The following CTNNA2 variants were observed in gnomAD, a reference collection of about 807,000 sequenced individuals.
CTNNA2 encodes the protein catenin alpha 2, also known as catenin alpha-2.
A neutral mutation model predicts 101.0 loss-of-function variants in CTNNA2; 42 were observed. The ratio of observed to expected loss-of-function variants is 0.42; its 90% CI spans 0.32 to 0.54. CTNNA2 has a LOEUF of 0.54. CTNNA2 is among the 20% of genes least tolerant of loss of function. CTNNA2 has a pLI of 0.14. For missense variants in CTNNA2, 871 were observed against 1,223.1 expected (o/e 0.71, Z 4.29); for synonymous variants, 450 against 456.4 (o/e 0.99, Z 0.18).
intron 3 of CTNNA2, among the ~76,000 whole-genome samples, chr2:79,780,674 A>G (rs1394097419): frequency 6.6e-6 from 1 of 152,188 alleles, no homozygotes; most frequent in Non-Finnish European, 1.5e-5. Context: ...GGCATTAGCT[A>G]AGCAAGCAAT....
chr2:80,280,835 T>A (rs1674325617), intron 7 of CTNNA2, among the ~76,000 whole-genome samples: 1 of 152,064 alleles, frequency 6.6e-6, no homozygotes, highest in Non-Finnish European at 1.5e-5. Context: ...TGCCTGTTAT[T>A]GTATAAGAAA....
At chr2:79,245,010 G>A (rs943003544) in intron 2 of CTNNA2, among the ~76,000 whole-genome samples, 2 of 151,674 alleles carry the variant, frequency 1.3e-5, no homozygotes, top group Non-Finnish European at 2.9e-5. Context: ...CAGGAGAATC[G>A]CTTGAACTCG....
chr2:79,234,863 A>T (rs1483724316), intron 2 of CTNNA2, among the ~76,000 whole-genome samples: 1 of 151,948 alleles, frequency 6.6e-6, no homozygotes, highest in African/African-American at 2.4e-5. Flanking sequence ...CTTGAAGTAA[A>T]TTTTTCAGCT....
chr2:80,526,129 A>G (rs1690010536), intron 9 of CTNNA2, among the ~76,000 whole-genome samples: 3 of 152,200 alleles, frequency 2.0e-5, no homozygotes, highest in Admixed American at 2.0e-4. Flanking sequence ...ACTATAGTTC[A>G]AACCTGCATT....
intron 3 of CTNNA2, among the ~76,000 whole-genome samples, chr2:79,762,360 C>G (rs1226331389): frequency 6.6e-6 from 1 of 152,114 alleles, no homozygotes; most frequent in East Asian, 1.9e-4. Context: ...AGAAATCCCC[C>G]TGGAGGAGTG....
chr2:79,297,910 A>C (rs1188105431), intron 2 of CTNNA2, among the ~76,000 whole-genome samples: 1 of 152,290 alleles, frequency 6.6e-6, no homozygotes, highest in Middle Eastern at 3.4e-3. Flanking sequence ...TTACTCATCT[A>C]TCTCTCATTT....
At chr2:80,592,091 A>T (rs1234304781) in intron 15 of CTNNA2, among the ~76,000 whole-genome samples, 1 of 152,214 alleles carries the variant, frequency 6.6e-6, no homozygotes, top group African/African-American at 2.4e-5. Context: ...GCAAAGAGCA[A>T]AGCTGTTTTT....
In CTNNA2 at chr2:79,860,546, G is replaced by GTTTTTTTTTTTTTTTTTTTTTT. The variant is rs56929879; in HGVS notation, c.465+2386_465+2387insTTTTTTTTTTTTTTTTTTTTTT. 7.0e-4 allele frequency among the ~76,000 whole-genome samples: 75 copies of GTTTTTTTTTTTTTTTTTTTTTT among 107,178 alleles called. 2 individuals carry two copies. Among genetic ancestry groups the GTTTTTTTTTTTTTTTTTTTTTT allele is most frequent in the African/African-American group, 2.7e-3 (73 of 27,078 alleles). The allele number at this position is 107,178 out of a possible 152,430, so 70.3% of individuals were successfully genotyped here. ...TTCTCCACACAGCCGAGTAAGGGAA[G>GTTTTTTTTTTTTTTTTTTTTTT]TTTTTTTTTTTTTTTTTTTAACGAT... On this transcript the variant is annotated intron_variant, in intron 4 of 18. Transcript: ENST00000402739.
intron 2 of CTNNA2, among the ~76,000 whole-genome samples, chr2:79,244,184 T>G (rs1190960974): frequency 1.3e-5 from 2 of 152,174 alleles, no homozygotes; most frequent in Non-Finnish European, 2.9e-5. Context: ...GTGAATTGTT[T>G]CCATGTAAGT....
At chr2:80,427,489 T>C (rs1201214006) in intron 9 of CTNNA2, among the ~76,000 whole-genome samples, 2 of 152,178 alleles carry the variant, frequency 1.3e-5, no homozygotes, top group Admixed American at 1.3e-4. Context: ...CATCCTCAGC[T>C]AGTGGATGTG....
intron 4 of CTNNA2, among the ~76,000 whole-genome samples, chr2:79,388,797 T>G (rs1183095293): frequency 3.9e-5 from 6 of 152,146 alleles, no homozygotes; most frequent in Non-Finnish European, 8.8e-5. Context: ...TTTTTTTAAT[T>G]TTTTTATTAT....
At chr2:80,050,145 C>G (rs1288002552) in intron 7 of CTNNA2, among the ~76,000 whole-genome samples, 2 of 152,288 alleles carry the variant, frequency 1.3e-5, no homozygotes, top group Admixed American at 6.5e-5. Flanking sequence ...CCCTAAATAG[C>G]TACATCAGAG....
intron 4 of CTNNA2, among the ~76,000 whole-genome samples, chr2:79,441,722 C>T (rs1216617367): frequency 6.6e-6 from 1 of 152,098 alleles, no homozygotes; most frequent in East Asian, 1.9e-4. Context: ...GATGCCCTTT[C>T]CCTCAGTTAA....
intron 7 of CTNNA2, among the ~76,000 whole-genome samples, chr2:80,095,307 A>G (rs1248536642): frequency 6.6e-6 from 1 of 152,160 alleles, no homozygotes; most frequent in African/African-American, 2.4e-5. Context: ...GATTACGTTT[A>G]TTGATTTGCA....
At chr2:79,726,055 C>A (rs1031494012) in intron 2 of CTNNA2, among the ~76,000 whole-genome samples, 9 of 152,138 alleles carry the variant, frequency 5.9e-5, no homozygotes, top group African/African-American at 1.9e-4. Context: ...CAGCAGTTTG[C>A]AATTCACCAG....
chr2:79,400,347 AG>A (rs1205376635), intron 4 of CTNNA2, among the ~76,000 whole-genome samples: 1 of 151,972 alleles, frequency 6.6e-6, no homozygotes, highest in Non-Finnish European at 1.5e-5. Flanking sequence ...GTTGTCCCTA[AG>A]CAGCTCCCAG....
chr2:79,351,472 A>C (rs1677385400), intron 3 of CTNNA2, among the ~76,000 whole-genome samples: 1 of 152,072 alleles, frequency 6.6e-6, no homozygotes, highest in South Asian at 2.1e-4. Context: ...GTACATGTGC[A>C]TGTTTGTTGC....
intron 9 of CTNNA2, among the ~76,000 whole-genome samples, chr2:80,470,349 A>G (rs1685200704): frequency 6.6e-6 from 1 of 152,104 alleles, no homozygotes; most frequent in Admixed American, 6.5e-5. Context: ...AAAGGAGATA[A>G]AGGGCCAGAT....
chr2:79,931,924 C>G (rs1264054059), intron 7 of CTNNA2, among the ~76,000 whole-genome samples: 1 of 152,220 alleles, frequency 6.6e-6, no homozygotes, highest in East Asian at 1.9e-4. Context: ...AGTCTTACTG[C>G]CCCAAATCCC....
Sources: gnomAD v4.1 joint callset for allele counts (sites outside exome capture counted in the v4.1 genomes callset) on GRCh38, gnomAD v4.1.1 for gene constraint, MANE v1.5 for transcripts, NCBI Gene and HGNC (gene_info 2026-07-23, HGNC 2026-07-21) for gene names.